The following DIPK1A variants were observed in gnomAD, a reference collection of about 807,000 sequenced individuals.
DIPK1A encodes the protein family with sequence similarity 69 member A.
In DIPK1A, 27 loss-of-function variants were observed where a neutral mutation model predicts 40.8. The ratio of observed to expected loss-of-function variants is 0.66; its 90% CI spans 0.49 to 0.91. DIPK1A has a LOEUF of 0.91. Among genes scored for constraint, DIPK1A ranks in the 40% least tolerant of loss-of-function variants. DIPK1A has a pLI of 0.00. For missense variants in DIPK1A, 412 were observed against 505.7 expected, an observed-to-expected ratio of 0.81 and a Z score of 1.78; for synonymous variants, 166 against 171.3, an observed-to-expected ratio of 0.97 and a Z score of 0.24.
chr1:92,896,622 A>C (rs962052379), intron 1 of DIPK1A, among the ~76,000 whole-genome samples: 28 of 149,580 alleles, frequency 1.9e-4, no homozygotes, highest in African/African-American at 6.3e-4. Context: ...AAAACACCAA[A>C]AGCAATGGCA....
chr1:92,953,785 T>G (rs950756026), intron 1 of DIPK1A, among the ~76,000 whole-genome samples: 1 of 152,208 alleles, frequency 6.6e-6, no homozygotes, highest in African/African-American at 2.4e-5. Context: ...CTTTGCAGGA[T>G]GAAGAAGTTC....
intron 4 of DIPK1A, among the ~76,000 whole-genome samples, chr1:92,846,803 A>ATGTGTG (rs1687618461): frequency 9.4e-4 from 2 of 2,138 alleles, no homozygotes; most frequent in Non-Finnish European, 1.2e-3. Context: ...ATATATATAT[A>ATGTGTG]TATATATATA....
intron 4 of DIPK1A, chr1:92,833,154 TC>T (rs1686977216): frequency 4.5e-6 from 3 of 660,756 alleles, no homozygotes; most frequent in Non-Finnish European, 8.2e-6. Flanking sequence ...TTTCTTTTAT[TC>T]CATATTTCTC....
At chr1:92,857,439 A>C (rs1188663046) in intron 2 of DIPK1A, among the ~76,000 whole-genome samples, 1 of 151,134 alleles carries the variant, frequency 6.6e-6, no homozygotes, top group Non-Finnish European at 1.5e-5. Context: ...CTCCTGCCTC[A>C]GTCTCCCGAA....
In DIPK1A at chr1:92,902,456, C is replaced by T. The variant is rs535051455; in HGVS notation, c.55-26026G>A. 1.1e-4 allele frequency among the ~76,000 whole-genome samples: 17 copies of T among 152,304 alleles called. No homozygotes were observed. The South Asian group carries it at 3.3e-3, about 30-fold the overall frequency. Reference sequence around the variant, plus strand: ...CATGGAGGAAGACACACTCCAGACACAGTACCGGCTCCAAGATGGCATAGT... The same window carrying T: ...CATGGAGGAAGACACACTCCAGACATAGTACCGGCTCCAAGATGGCATAGT... On this transcript the variant is annotated intron_variant, in intron 1 of 4. Transcript: ENST00000370310.
At chr1:92,838,089 G>A (rs1268916385), downstream of DIPK1A, among the ~76,000 whole-genome samples, 1 of 152,194 alleles carries the variant, frequency 6.6e-6, no homozygotes, top group Non-Finnish European at 1.5e-5. Flanking sequence ...GAGTCCCAAA[G>A]TGCTGGGCTT....
downstream of DIPK1A, among the ~76,000 whole-genome samples, chr1:92,839,050 T>TC (rs1553122502): frequency 5.3e-5 from 8 of 149,966 alleles, no homozygotes; most frequent in East Asian, 1.9e-4. Flanking sequence ...TTTTTTTTTT[T>TC]CAGTGAGTTT....
At chr1:92,852,096 C>T (rs1410397688) in intron 2 of DIPK1A, among the ~76,000 whole-genome samples, 1 of 152,132 alleles carries the variant, frequency 6.6e-6, no homozygotes, top group Non-Finnish European at 1.5e-5. Context: ...AAGGAGACCT[C>T]ATTTCACTCA....
chr1:92,836,297 C>T (rs1687122258), intron 4 of DIPK1A: 5 of 1,614,132 alleles, frequency 3.1e-6, no homozygotes, highest in Non-Finnish European at 4.2e-6. Context: ...CCTTCACCTG[C>T]TATTTGGATG....
intron 4 of DIPK1A, chr1:92,846,052 A>T (rs11164824): frequency 0.031 from 4,775 of 155,144 alleles, 263 homozygotes; most frequent in African/African-American, 0.11. Flanking sequence ...AAGAAAAAAA[A>T]TCCCCAGGCC....
chr1:92,856,111 T>C (rs988686720), intron 2 of DIPK1A, among the ~76,000 whole-genome samples: 20 of 151,856 alleles, frequency 1.3e-4, no homozygotes, highest in African/African-American at 4.6e-4. Context: ...AAAAGGTAGC[T>C]CTTTGAAAAC....
downstream of DIPK1A, chr1:92,840,368 T>C (rs79732994): frequency 7.6e-3 from 4,389 of 578,688 alleles, 157 homozygotes; most frequent in African/African-American, 0.073. Flanking sequence ...TTGCATAAGG[T>C]GAAAATTGGG....
chr1:92,867,892 A>T (rs886414958), intron 2 of DIPK1A, among the ~76,000 whole-genome samples: 2 of 152,216 alleles, frequency 1.3e-5, no homozygotes, highest in African/African-American at 4.8e-5. Context: ...CTCTCAATGG[A>T]ACAGCTACAG....
At chr1:92,915,005 T>TCTAC (rs1649995674) in intron 1 of DIPK1A, among the ~76,000 whole-genome samples, 4 of 142,148 alleles carry the variant, frequency 2.8e-5, no homozygotes, top group African/African-American at 9.0e-5. Context: ...CCAGAGTCTC[T>TCTAC]TGAGCCTGGG....
intron 4 of DIPK1A, chr1:92,834,656 T>C: frequency 7.5e-7 from 1 of 1,333,640 alleles, no homozygotes; most frequent in Non-Finnish European, 1.1e-6. Flanking sequence ...CTAAGAGTCT[T>C]AAGCATTTTA....
chr1:92,862,554 A>T (rs1385800130), intron 2 of DIPK1A, among the ~76,000 whole-genome samples: 1 of 152,088 alleles, frequency 6.6e-6, no homozygotes, highest in Non-Finnish European at 1.5e-5. Flanking sequence ...TTGTGCCTGG[A>T]TTATTACAAC....
intron 1 of DIPK1A, among the ~76,000 whole-genome samples, chr1:92,908,476 C>T (rs1002426840): frequency 5.9e-5 from 9 of 152,146 alleles, no homozygotes; most frequent in South Asian, 2.1e-4. Flanking sequence ...AGGTTGGAGA[C>T]TGGAAAATAT....
chr1:92,893,153 G>A (rs757576654), intron 1 of DIPK1A, among the ~76,000 whole-genome samples: 11 of 151,088 alleles, frequency 7.3e-5, no homozygotes, highest in African/African-American at 9.8e-5. Flanking sequence ...TACAGAGAAC[G>A]CCACAAAGAT....
chr1:92,944,770 G>A (rs1651298411), intron 1 of DIPK1A, among the ~76,000 whole-genome samples: 1 of 152,050 alleles, frequency 6.6e-6, no homozygotes, highest in South Asian at 2.1e-4. Flanking sequence ...GTAGCTGGGA[G>A]CACAGCTAAT....
Sources: allele counts gnomAD v4.1 joint callset (sites outside exome capture counted in the v4.1 genomes callset), GRCh38; gene constraint gnomAD v4.1.1; transcripts MANE v1.5; gene names NCBI Gene and HGNC (gene_info 2026-07-23, HGNC 2026-07-21).